DCHS2: variants seen among roughly 807,000 people sequenced by gnomAD.
DCHS2 encodes the protein protocadherin-23.
In DCHS2, 142 loss-of-function variants were observed where a neutral mutation model predicts 182.4. The observed-to-expected ratio is 0.78, with a 90% CI of 0.68 to 0.89. DCHS2 has a LOEUF of 0.89. DCHS2 is among the 40% of genes least tolerant of loss of function. DCHS2 has a pLI of 0.00. For missense variants in DCHS2, 4,319 were observed against 4,198.6 expected (o/e 1.03, Z -0.79); for synonymous variants, 1,740 against 1,663.3 (o/e 1.05, Z -1.12).
At chr4:154,316,979 T>C (rs1735882161) in intron 9 of DCHS2, among the ~76,000 whole-genome samples, 1 of 152,248 alleles carries the variant, frequency 6.6e-6, no homozygotes, top group Non-Finnish European at 1.5e-5. Context: ...TTCTCCCTTT[T>C]ATAAGAATTT....
chr4:154,302,565 C>T (rs1735241459), intron 12 of DCHS2, among the ~76,000 whole-genome samples: 1 of 152,182 alleles, frequency 6.6e-6, no homozygotes, highest in African/African-American at 2.4e-5. Context: ...TAGCCGATTT[C>T]CTGGGCATGG....
intron 13 of DCHS2, among the ~76,000 whole-genome samples, chr4:154,285,621 G>C (rs1734358964): frequency 6.6e-6 from 1 of 152,184 alleles, no homozygotes; most frequent in South Asian, 2.1e-4. Flanking sequence ...CTGGAGTGGT[G>C]GTGGCCATAT....
At chr4:154,430,149 A>G (rs1733498732) in intron 1 of DCHS2, among the ~76,000 whole-genome samples, 2 of 152,210 alleles carry the variant, frequency 1.3e-5, no homozygotes, top group Admixed American at 6.5e-5. Context: ...GAAATATTCC[A>G]TAAGTAGAAA....
chr4:154,259,512 A>C lies in DCHS2; in HGVS notation c.6789+33T>G, dbSNP rs1433995123. ...CACACAGACACACCCACACACACACACACACACACACACACAAATATATTT... is the reference window on the plus strand; with the variant it reads ...CACACAGACACACCCACACACACACCCACACACACACACACAAATATATTT... On this transcript the variant is annotated intron_variant, in intron 15 of 19. Coordinates refer to ENST00000357232, the MANE Select transcript of DCHS2 (RefSeq NM_001358235.2). 16 of 1,604,528 alleles carry C rather than the reference A, an allele frequency of 1.0e-5. No homozygotes were observed. The African/African-American group carries it at 1.8e-4, about 18-fold the overall frequency.
At chr4:154,283,456 C>CAA (rs70947155) in intron 13 of DCHS2, among the ~76,000 whole-genome samples, 233 of 126,734 alleles carry the variant, frequency 1.8e-3, no homozygotes, top group South Asian at 4.6e-3. Context: ...TAAGTTTAAG[C>CAA]AAAAAAAAAA....
At chr4:154,338,084 C>T (rs1728899004) in intron 3 of DCHS2, among the ~76,000 whole-genome samples, 1 of 152,092 alleles carries the variant, frequency 6.6e-6, no homozygotes, top group Non-Finnish European at 1.5e-5. Context: ...GTGCAGCTGG[C>T]CTTCTCTTTC....
At chr4:154,360,422 T>C (rs1394872021) in intron 3 of DCHS2, among the ~76,000 whole-genome samples, 1 of 152,122 alleles carries the variant, frequency 6.6e-6, no homozygotes, top group East Asian at 1.9e-4. Context: ...GAAGAAATTC[T>C]CTAACATGCT....
At chr4:154,356,228 A>G (rs547377639) in intron 3 of DCHS2, among the ~76,000 whole-genome samples, 2 of 152,290 alleles carry the variant, frequency 1.3e-5, no homozygotes, top group South Asian at 4.1e-4. Flanking sequence ...AAAAAGTTAA[A>G]AAAAATTAAA....
intron 18 of DCHS2, 23 bp downstream of exon 18, chr4:154,240,502 TGGCTTTGGTTTC>T: frequency 6.3e-7 from 1 of 1,599,786 alleles, no homozygotes; most frequent in Non-Finnish European, 8.5e-7. Flanking sequence ...TTTCTAGTTT[TGGCTTTGGTTTC>T]GGCATCTCTT....
At chr4:154,373,424 T>C (rs1460322351) in intron 2 of DCHS2, among the ~76,000 whole-genome samples, 2 of 152,208 alleles carry the variant, frequency 1.3e-5, no homozygotes, top group South Asian at 2.1e-4. Context: ...TATTTGTATA[T>C]ATGTTTACAT....
At chr4:154,464,093 C>T (rs940486997) in intron 1 of DCHS2, among the ~76,000 whole-genome samples, 1 of 152,064 alleles carries the variant, frequency 6.6e-6, no homozygotes, top group African/African-American at 2.4e-5. Context: ...TGGAAAACGG[C>T]AATGTCACCA....
In DCHS2 at chr4:154,269,915, G is replaced by A. The variant is rs766175499; in HGVS notation, c.6562C>T (p.Leu2188=). The A allele has an allele frequency of 6.2e-7, 1 of 1,611,874 alleles. No homozygotes were observed. Among genetic ancestry groups the A allele is most frequent in the African/African-American group, 1.3e-5 (1 of 74,766 alleles). ...FSGNEDGVLS[L]CSKSGQLTVK... is the part of the protein sequence containing the mutation. Reference sequence around the variant, plus strand: ...GAAGGATTACCTGACTTAGAGCACAGGGAAAGAACTCCATCTTCATTTCCA... The same window carrying A: ...GAAGGATTACCTGACTTAGAGCACAAGGAAAGAACTCCATCTTCATTTCCA... Residue 2188 remains leucine (L), a synonymous_variant, in exon 14 of 20, where the codon CTG becomes TTG. Transcript: ENST00000357232.
chr4:154,445,806 G>C (rs1156980250), intron 1 of DCHS2, among the ~76,000 whole-genome samples: 1 of 96,950 alleles, frequency 1.0e-5, no homozygotes, highest in African/African-American at 4.1e-5. Flanking sequence ...GCAAGACACT[G>C]TCAAAAAAAA....
chr4:154,266,285 A>T (rs953913891), intron 14 of DCHS2, among the ~76,000 whole-genome samples: 8 of 151,722 alleles, frequency 5.3e-5, no homozygotes, highest in African/African-American at 1.9e-4. Flanking sequence ...TCAAGAGCAG[A>T]TGATGTTGAT....
At chr4:154,244,504 C>T (rs1731983646) in intron 16 of DCHS2, among the ~76,000 whole-genome samples, 1 of 152,130 alleles carries the variant, frequency 6.6e-6, no homozygotes, top group Non-Finnish European at 1.5e-5. Context: ...TGGAATTAGT[C>T]TCAGCTAGTT....
chr4:154,411,532 G>A (rs950070751), intron 1 of DCHS2, among the ~76,000 whole-genome samples: 2 of 152,042 alleles, frequency 1.3e-5, no homozygotes, highest in Admixed American at 6.6e-5. Flanking sequence ...GGGAGGCAGA[G>A]GTTGCAATAA....
intron 1 of DCHS2, among the ~76,000 whole-genome samples, chr4:154,410,019 GT>G (rs1275961208): frequency 6.6e-6 from 1 of 152,100 alleles, no homozygotes; most frequent in African/African-American, 2.4e-5. Flanking sequence ...TGTAGTGAAA[GT>G]TTTTCCTTAC....
chr4:154,323,026 T>C lies in DCHS2; in HGVS notation c.4019-538A>G, dbSNP rs1578962955. The C allele has an allele frequency of 4.9e-6, 3 of 611,816 alleles. No homozygotes were observed. The Admixed American group carries it at 9.4e-5, about 19-fold the overall frequency. 37.9% of individuals were successfully genotyped at this position (611,816 alleles called of 1,614,324 possible). A position where few individuals can be genotyped will look rare whatever the true frequency, so the allele number is the denominator to read the frequency against. On this transcript the variant is annotated intron_variant, in intron 7 of 19. Coordinates refer to ENST00000357232, the MANE Select transcript of DCHS2 (RefSeq NM_001358235.2). ...TGTTTACATTAAGATCAAAATAAAG[T>C]CCATATATTGCATATTTCTTTAATC...
intron 19 of DCHS2, among the ~76,000 whole-genome samples, chr4:154,238,850 G>A (rs1360243904): frequency 6.6e-6 from 1 of 152,070 alleles, no homozygotes; most frequent in Non-Finnish European, 1.5e-5. Flanking sequence ...GCTGAATCCT[G>A]GGATAATTGC....
Sources: gnomAD v4.1 joint callset for allele counts (sites outside exome capture counted in the v4.1 genomes callset) on GRCh38, gnomAD v4.1.1 for gene constraint, MANE v1.5 for transcripts, NCBI Gene and HGNC (gene_info 2026-07-23, HGNC 2026-07-21) for gene names.